MVD: variants seen among roughly 807,000 people sequenced by gnomAD.
MVD encodes diphosphomevalonate decarboxylase.
MVD carries 52 observed loss-of-function variants against 42.4 expected under a neutral mutation model. That is an observed-to-expected ratio of 1.23 (90% confidence interval 0.98 to 1.55). The LOEUF is 1.55. Ranked by LOEUF, MVD falls within the 40% of genes most tolerant of loss-of-function variation. MVD has a pLI of 0.00. For synonymous variants in MVD, 287 were observed against 243.2 expected, an observed-to-expected ratio of 1.18 and a Z score of -1.68; for missense variants, 663 against 572.1, an observed-to-expected ratio of 1.16 and a Z score of -1.62.
chr16:88,652,553 G>A lies in MVD; in HGVS notation c.1175C>T (p.Pro392Leu), dbSNP rs1379135951. ...GGCAGCTGGCTTCGGCAGGCCGTCA[G>A]GACCCAGGAGGTGGGCGCAGGGGTC... ...LDDPCAHLLG[P>L]DGLPKPAA The change falls in exon 10 of 10, where the codon CCT (proline) becomes CTT (leucine). Residue 392 changes from proline to leucine, a missense_variant. Pro to Leu is a moderately conservative substitution (Grantham distance 98). Coordinates refer to ENST00000301012, the MANE Select transcript of MVD (RefSeq NM_002461.3). The A allele has an allele frequency of 6.4e-7, 1 of 1,572,898 alleles. No individual in the cohort carries two copies. Among genetic ancestry groups the A allele is most frequent in the East Asian group, 2.3e-5 (1 of 42,686 alleles).
At position 88,658,016 on chromosome 16, in the gene MVD, G is replaced by A. The variant is rs1286019179; in HGVS notation, c.155C>T (p.Thr52Ile). ...GAAGTCCTTGCTGATGACGGCTGTTGTGGTGGTTTTTAACTGAAAAGGAAA... is the reference window on the plus strand; with the variant it reads ...GAAGTCCTTGCTGATGACGGCTGTTATGGTGGTTTTTAACTGAAAAGGAAA... Reference protein sequence around the residue: ...TLHQDQLKTTTTAVISKDFTE... With the variant: ...TLHQDQLKTTITAVISKDFTE... The change falls in exon 3 of 10, where the codon ACA (threonine) becomes ATA (isoleucine). Residue 52 changes from threonine to isoleucine, a missense_variant. By Grantham distance (89) the Thr-to-Ile change is moderately conservative. Coordinates refer to ENST00000301012, the MANE Select transcript of MVD (RefSeq NM_002461.3). 4.3e-6 allele frequency: 7 copies of A among 1,614,070 alleles called. No homozygotes were observed. The highest frequency in any genetic ancestry group is 1.7e-5 in the Admixed American group (1 of 60,034).
intron 1 of MVD, among the ~76,000 whole-genome samples, chr16:88,662,544 C>T (rs1415832381): frequency 6.6e-6 from 1 of 152,180 alleles, no homozygotes; most frequent in Non-Finnish European, 1.5e-5. Flanking sequence ...TTGGAGGTTA[C>T]CGCTGGGAGA....
chr16:88,659,126 T>G, intron 1 of MVD: 1 of 223,924 alleles, frequency 4.5e-6, no homozygotes. Context: ...AACCCCTTTC[T>G]GCCCAGCACG....
chr16:88,661,971 C>T (rs914734532), intron 1 of MVD: 2 of 149,496 alleles, frequency 1.3e-5, no homozygotes, highest in African/African-American at 2.5e-5. Flanking sequence ...CACAAACATA[C>T]ATATATACAT....
At chr16:88,652,629 G>A (rs576350841) in intron 9 of MVD, 24 bp from the exon 10 acceptor site, 1 of 1,546,520 alleles carries the variant, frequency 6.5e-7, no homozygotes, top group East Asian at 2.4e-5. Context: ...TCCATGTCAG[G>A]TCACCAGGAA....
intron 6 of MVD, 49 bp from the exon 7 acceptor site, chr16:88,655,466 C>T: frequency 6.5e-7 from 1 of 1,535,522 alleles, no homozygotes; most frequent in Non-Finnish European, 8.7e-7. Flanking sequence ...GTCTCGACAG[C>T]AGAGGGTTCG....
At chr16:88,658,180 G>A in intron 2 of MVD, 151 bp from the exon 3 acceptor site, 1 of 738,286 alleles carries the variant, frequency 1.4e-6, no homozygotes, top group Non-Finnish European at 2.2e-6. Context: ...TCTCAGCTGG[G>A]CAGTGGGGAA....
chr16:88,656,498 C>T, intron 4 of MVD, 194 bp from the exon 5 acceptor site: 1 of 622,490 alleles, frequency 1.6e-6, no homozygotes, highest in Non-Finnish European at 2.8e-6. Flanking sequence ...TAGTTCCACT[C>T]TCGGACACTC....
At chr16:88,662,687 G>A (rs1193349720) in intron 1 of MVD, 4 of 1,341,180 alleles carry the variant, frequency 3.0e-6, no homozygotes, top group Non-Finnish European at 3.9e-6. Context: ...AGCCACAAAC[G>A]CGCACCACCA....
chr16:88,654,151 G>A (rs1467630718), intron 8 of MVD, among the ~76,000 whole-genome samples: 3 of 151,858 alleles, frequency 2.0e-5, no homozygotes, highest in East Asian at 1.9e-4. Context: ...GGGAAGAGGC[G>A]GTTCAGGGCC....
Position 88,655,314 on chromosome 16 carries a change from T to C in MVD, c.782A>G (p.Asn261Ser), listed in dbSNP as rs781744174. The change falls in exon 7 of 10, where the codon AAC (asparagine) becomes AGC (serine). Residue 261 changes from asparagine (N) to serine (S), a missense_variant. Coordinates refer to ENST00000301012, the MANE Select transcript of MVD (RefSeq NM_002461.3). ...SFAQLTMKDS[N>S]QFHATCLDTF... is the part of the protein sequence containing the mutation. ...GTCGAGGCAGGTGGCGTGGAACTGG[T>C]TGCTGTCCTTCATGGTCAGCTGGGC... 2.5e-6 allele frequency: 4 copies of C among 1,598,760 alleles called. No individual in the cohort carries two copies. The highest frequency in any genetic ancestry group is 3.5e-5 in the Admixed American group (2 of 57,920).
At chr16:88,662,785 C>A (rs1347115130) in intron 1 of MVD, 2 of 1,479,066 alleles carry the variant, frequency 1.4e-6, no homozygotes, top group South Asian at 1.3e-5. Flanking sequence ...GGCGACCCTG[C>A]AGGGGCGGCA....
intron 1 of MVD, among the ~76,000 whole-genome samples, chr16:88,662,470 C>T (rs1284772086): frequency 5.9e-5 from 9 of 152,214 alleles, no homozygotes; most frequent in African/African-American, 1.4e-4. Context: ...GGGCTGTGAA[C>T]GCACAGGTGC....
chr16:88,655,556 C>T, intron 6 of MVD, 100 bp downstream of exon 6: 1 of 1,515,638 alleles, frequency 6.6e-7, no homozygotes, highest in South Asian at 1.2e-5. Context: ...GGCGGGGCTG[C>T]CGCAGGTGTG....
intron 7 of MVD, 196 bp from the exon 8 acceptor site, chr16:88,655,003 G>T: frequency 1.2e-6 from 1 of 867,980 alleles, no homozygotes. Flanking sequence ...AAGGTGGTGG[G>T]GCCGTGACCC....
intron 8 of MVD, among the ~76,000 whole-genome samples, chr16:88,654,278 T>C (rs1215046312): frequency 6.6e-6 from 1 of 151,988 alleles, no homozygotes; most frequent in Non-Finnish European, 1.5e-5. Flanking sequence ...CCGGCCGCCT[T>C]GACTGGCTCT....
chr16:88,658,184 TG>T lies in MVD; in HGVS notation c.142-156del, dbSNP rs145827664. On this transcript the variant is annotated intron_variant, in intron 2 of 9. Coordinates refer to ENST00000301012, the MANE Select transcript of MVD (RefSeq NM_002461.3). ...GGAAAGGCCAGTCTCAGCTGGGCAG[TG>T]GGGAAGCCCGTGGGGGATGAAAGCG... is the stretch of plus-strand genomic sequence containing the variant. Among the ~76,000 whole-genome samples, 579 of 152,266 alleles carry T rather than the reference TG, an allele frequency of 3.8e-3. 2 individuals are homozygous for T. Among genetic ancestry groups the T allele is most frequent in the Middle Eastern group, 0.017 (5 of 294 alleles).
At chr16:88,661,260 C>G (rs1260481059) in intron 1 of MVD, among the ~76,000 whole-genome samples, 1 of 152,170 alleles carries the variant, frequency 6.6e-6, no homozygotes, top group African/African-American at 2.4e-5. Context: ...TTGACATCAA[C>G]ATTGATACAC....
chr16:88,656,888 C>A, intron 4 of MVD: 1 of 289,884 alleles, frequency 3.4e-6, no homozygotes, highest in Non-Finnish European at 6.8e-6. Context: ...TGGTGTGAGA[C>A]CACCACCGGG....
Sources: allele counts gnomAD v4.1 joint callset (sites outside exome capture counted in the v4.1 genomes callset), GRCh38; gene constraint gnomAD v4.1.1; transcripts MANE v1.5; gene names NCBI Gene and HGNC (gene_info 2026-07-23, HGNC 2026-07-21).